Variants in SCHIP1 observed in about 807,000 individuals in gnomAD.
The protein encoded by SCHIP1 is schwannomin interacting protein 1.
A neutral mutation model predicts 29.7 loss-of-function variants in SCHIP1; 8 were observed. The observed-to-expected ratio is 0.27, with a 90% CI of 0.16 to 0.49. The LOEUF is 0.49. SCHIP1 is among the 20% of genes least tolerant of loss of function. The pLI is 0.99. For missense variants in SCHIP1, 193 were observed against 294.6 expected (o/e 0.66, Z 2.52); for synonymous variants, 76 against 94.9 (o/e 0.80, Z 1.16).
chr3:159,562,487 C>T, the SCHIP1 span, among the ~76,000 whole-genome samples: 1 of 152,146 alleles, frequency 6.6e-6, no homozygotes, highest in East Asian at 1.9e-4. Context: ...GTAGAAACAA[C>T]TGAGGGTGAA....
At chr3:159,584,574 A>T in the SCHIP1 span, among the ~76,000 whole-genome samples, 1 of 152,276 alleles carries the variant, frequency 6.6e-6, no homozygotes, top group Admixed American at 6.5e-5. Flanking sequence ...TTACTAGAGG[A>T]TTCCTAAACT....
the SCHIP1 span, among the ~76,000 whole-genome samples, chr3:159,747,514 G>A: frequency 6.6e-6 from 1 of 152,162 alleles, no homozygotes; most frequent in Admixed American, 6.5e-5. Context: ...ATGTTGTTTA[G>A]GATGAGACAA....
At chr3:159,375,018 T>A in the SCHIP1 span, among the ~76,000 whole-genome samples, 2 of 152,244 alleles carry the variant, frequency 1.3e-5, no homozygotes, top group African/African-American at 4.8e-5. Context: ...ATATTTTAGA[T>A]GTATTGGGTC....
intron 2 of SCHIP1, among the ~76,000 whole-genome samples, chr3:159,883,467 C>T (rs1716648139): frequency 6.6e-6 from 1 of 152,156 alleles, no homozygotes; most frequent in Admixed American, 6.5e-5. Context: ...TGTTCTTCCA[C>T]CCTGGGCACA....
chr3:159,653,657 T>G, the SCHIP1 span, among the ~76,000 whole-genome samples: 1 of 150,410 alleles, frequency 6.6e-6, no homozygotes, highest in Non-Finnish European at 1.5e-5. Context: ...AAAACCTAGA[T>G]GACAGGTTGA....
At chr3:159,393,910 G>A in the SCHIP1 span, among the ~76,000 whole-genome samples, 1 of 152,086 alleles carries the variant, frequency 6.6e-6, no homozygotes, top group African/African-American at 2.4e-5. Context: ...TGGGCAGTAT[G>A]GCCATTTTCA....
the SCHIP1 span, chr3:159,764,485 A>C: frequency 6.5e-7 from 1 of 1,538,894 alleles, no homozygotes; most frequent in Non-Finnish European, 8.8e-7. The surrounding 1 kb of genome is among the most constrained non-coding windows in gnomAD (Gnocchi z 6.1). Context: ...TGACGCCGGC[A>C]GCAGCAGCAG....
chr3:159,428,746 C>A, the SCHIP1 span, among the ~76,000 whole-genome samples: 1 of 151,810 alleles, frequency 6.6e-6, no homozygotes, highest in African/African-American at 2.4e-5. Flanking sequence ...CAGATACACA[C>A]GTATGTTTAT....
chr3:159,525,796 C>T, the SCHIP1 span, among the ~76,000 whole-genome samples: 3 of 152,198 alleles, frequency 2.0e-5, no homozygotes, highest in South Asian at 6.2e-4. Context: ...GAGGGGGAGG[C>T]AGAACAATTG....
At chr3:159,590,071 T>C in the SCHIP1 span, among the ~76,000 whole-genome samples, 1 of 152,174 alleles carries the variant, frequency 6.6e-6, no homozygotes, top group Non-Finnish European at 1.5e-5. Flanking sequence ...TTGCTAAATC[T>C]CGCAGCCCTG....
chr3:159,858,842 C>G (rs1265478214), intron 1 of SCHIP1, among the ~76,000 whole-genome samples: 4 of 152,188 alleles, frequency 2.6e-5, no homozygotes, highest in Admixed American at 2.6e-4. Flanking sequence ...TGTTGCCCAG[C>G]AGCCCAGGCT....
At chr3:159,641,695 T>A in the SCHIP1 span, among the ~76,000 whole-genome samples, 1 of 152,108 alleles carries the variant, frequency 6.6e-6, no homozygotes, top group Non-Finnish European at 1.5e-5. Context: ...TTCACCCAAA[T>A]GGGTGGCACA....
At chr3:159,605,830 C>T in the SCHIP1 span, among the ~76,000 whole-genome samples, 3 of 152,144 alleles carry the variant, frequency 2.0e-5, no homozygotes, top group South Asian at 4.1e-4. Context: ...AGGATCTCAG[C>T]GGGGACAACC....
the SCHIP1 span, among the ~76,000 whole-genome samples, chr3:159,652,914 A>G: frequency 6.6e-6 from 1 of 152,336 alleles, no homozygotes; most frequent in Admixed American, 6.5e-5. Context: ...CCAAGCACAA[A>G]AAGACAAAAA....
At chr3:159,714,795 C>T in the SCHIP1 span, among the ~76,000 whole-genome samples, 5 of 152,210 alleles carry the variant, frequency 3.3e-5, no homozygotes, top group Admixed American at 2.6e-4. Flanking sequence ...GCCCACCTGC[C>T]TCTGTAGACT....
At chr3:159,344,857 T>C in the SCHIP1 span, among the ~76,000 whole-genome samples, 1 of 152,228 alleles carries the variant, frequency 6.6e-6, no homozygotes, top group Non-Finnish European at 1.5e-5. Flanking sequence ...ATTAAGATGT[T>C]AACAGTAGGG....
the SCHIP1 span, among the ~76,000 whole-genome samples, chr3:159,793,648 C>T: frequency 5.9e-5 from 9 of 152,092 alleles, no homozygotes; most frequent in Non-Finnish European, 1.2e-4. Flanking sequence ...ACTTCTGCCT[C>T]CCGGGTTCAA....
the SCHIP1 span, among the ~76,000 whole-genome samples, chr3:159,602,897 C>A: frequency 1.3e-5 from 2 of 152,134 alleles, no homozygotes; most frequent in Admixed American, 6.5e-5. Flanking sequence ...TCCACAGATA[C>A]CACCTGGGTG....
the SCHIP1 span, among the ~76,000 whole-genome samples, chr3:159,492,954 T>C: frequency 3.3e-5 from 5 of 152,100 alleles, no homozygotes; most frequent in African/African-American, 7.2e-5. Flanking sequence ...AGTCAATATT[T>C]TTAAAGAAAA....
Sources: gnomAD v4.1 joint callset for allele counts (sites outside exome capture counted in the v4.1 genomes callset) on GRCh38, gnomAD v4.1.1 for gene constraint, Gnocchi (gnomAD v3.1) non-coding constraint, MANE v1.5 for transcripts, NCBI Gene and HGNC (gene_info 2026-07-23, HGNC 2026-07-21) for gene names.